Variants in TMEM114 observed in about 807,000 individuals in gnomAD.
The protein encoded by TMEM114 is transmembrane protein 114.
Under a neutral mutation model 6.2 loss-of-function variants are expected in TMEM114, and 6 were observed. The observed-to-expected ratio is 0.97, with a 90% confidence interval of 0.53 to 1.91. The LOEUF is 1.91. Ranked by LOEUF, TMEM114 falls within the 40% of genes most tolerant of loss-of-function variation. The pLI is 0.01. For missense variants in TMEM114, 218 were observed against 158.3 expected, an observed-to-expected ratio of 1.38 and a Z score of -2.02; for synonymous variants, 104 against 73.0, an observed-to-expected ratio of 1.42 and a Z score of -2.16.
downstream of TMEM114, among the ~76,000 whole-genome samples, chr16:8,568,545 A>G (rs896351333): frequency 6.6e-6 from 1 of 152,222 alleles, no homozygotes; most frequent in African/African-American, 2.4e-5. Flanking sequence ...GGTGTCAGCT[A>G]TGATGATGAC....
At chr16:8,575,549 A>G (rs567099229) in intron 2 of TMEM114, among the ~76,000 whole-genome samples, 1 of 152,328 alleles carries the variant, frequency 6.6e-6, no homozygotes, top group South Asian at 2.1e-4. Flanking sequence ...TGTTTCAGTA[A>G]ACAATGATGC....
intron 2 of TMEM114, among the ~76,000 whole-genome samples, chr16:8,543,468 A>G (rs529369281): frequency 3.3e-5 from 5 of 151,154 alleles, no homozygotes; most frequent in East Asian, 1.9e-4. Context: ...TGCACCTTGC[A>G]TCATGCAATG....
chr16:8,541,722 A>G (rs941657950), intron 2 of TMEM114, among the ~76,000 whole-genome samples: 1 of 152,242 alleles, frequency 6.6e-6, no homozygotes, highest in Admixed American at 6.5e-5. Flanking sequence ...ATTCTCCATC[A>G]ATAAATCATA....
At chr16:8,534,014 A>G (rs753436097), downstream of TMEM114, among the ~76,000 whole-genome samples, 23 of 152,176 alleles carry the variant, frequency 1.5e-4, no homozygotes, top group Non-Finnish European at 3.1e-4. Flanking sequence ...AAGCCTGAAA[A>G]TGGCTCTCGT....
At chr16:8,562,965 TGAGA>T (rs1163391475) in intron 2 of TMEM114, among the ~76,000 whole-genome samples, 4 of 84,898 alleles carry the variant, frequency 4.7e-5, no homozygotes, top group Admixed American at 1.2e-4. Context: ...AGTGAATGAG[TGAGA>T]GAGTGATGGA....
intron 2 of TMEM114, among the ~76,000 whole-genome samples, chr16:8,560,223 C>G (rs536677603): frequency 4.0e-5 from 6 of 151,752 alleles, no homozygotes; most frequent in South Asian, 2.1e-4. Context: ...GGCTCAAACT[C>G]CTGGGCTCAA....
At chr16:8,540,118 C>T (rs77971248) in intron 2 of TMEM114, among the ~76,000 whole-genome samples, 1,604 of 152,228 alleles carry the variant, frequency 0.011, 30 homozygotes, top group African/African-American at 0.036. Context: ...ACTGCTGTGC[C>T]GGGCCACAAA....
the TMEM114 span, among the ~76,000 whole-genome samples, chr16:8,527,173 C>T: frequency 4.6e-5 from 7 of 152,184 alleles, no homozygotes; most frequent in Non-Finnish European, 8.8e-5. Flanking sequence ...TGCCACTGCA[C>T]TCCATCCAGC....
chr16:8,548,694 G>GTATATATATATATATATATATATATA (rs141212101), intron 2 of TMEM114, among the ~76,000 whole-genome samples: 96 of 139,922 alleles, frequency 6.9e-4, no homozygotes, highest in African/African-American at 2.4e-3. Flanking sequence ...AAATTGCCAT[G>GTATATATATATATATATATATATATA]TATATATATA....
chr16:8,565,367 G>C (rs999178174), downstream of TMEM114, among the ~76,000 whole-genome samples: 2 of 152,196 alleles, frequency 1.3e-5, no homozygotes, highest in African/African-American at 2.4e-5. Context: ...AAATGAATGA[G>C]TGAATAAATG....
At chr16:8,551,813 A>G (rs1276689260) in intron 2 of TMEM114, among the ~76,000 whole-genome samples, 3 of 152,202 alleles carry the variant, frequency 2.0e-5, no homozygotes, top group Non-Finnish European at 4.4e-5. Context: ...ACCCATGGCC[A>G]TAACTGTGCA....
intron 2 of TMEM114, among the ~76,000 whole-genome samples, chr16:8,588,286 CAAAAA>C (rs1192746678): frequency 7.4e-6 from 1 of 134,430 alleles, no homozygotes. Context: ...GACCCTGTCT[CAAAAA>C]AAAAAAAAAA....
In TMEM114 at chr16:8,572,078, G is replaced by A. The variant is rs950471017; in HGVS notation, c.439+9C>T. The A allele has an allele frequency of 9.8e-6, 15 of 1,536,684 alleles. No homozygotes were observed. Among genetic ancestry groups the A allele is most frequent in the Non-Finnish European group, 1.3e-5 (15 of 1,139,594 alleles). On this transcript the variant is annotated intron_variant, in intron 3 of 3. Transcript: ENST00000620492. ...ACAAGCCAGAGCCCTAGGCAGGGTG[G>A]GCACCTACCTCCAAAGAGGAAGAGA...
chr16:8,545,948 C>G (rs1051225018), intron 2 of TMEM114, among the ~76,000 whole-genome samples: 5 of 152,056 alleles, frequency 3.3e-5, no homozygotes, highest in Non-Finnish European at 7.4e-5. Context: ...GACCCTATCT[C>G]TACAGAAAAT....
chr16:8,528,098 G>A, the TMEM114 span, among the ~76,000 whole-genome samples: 22 of 151,820 alleles, frequency 1.4e-4, no homozygotes, highest in East Asian at 1.9e-4. Flanking sequence ...ATGGGATTTC[G>A]CCATGCTGCC....
At chr16:8,555,996 A>G (rs1331684200) in intron 2 of TMEM114, among the ~76,000 whole-genome samples, 1 of 152,178 alleles carries the variant, frequency 6.6e-6, no homozygotes, top group Non-Finnish European at 1.5e-5. Context: ...GCATGAATTT[A>G]CTATCTACTC....
rs1902444557 is a variant in TMEM114, at chr16:8,590,390, G to T, written c.-552C>A. ...ATTTCCGCCCCAGCCCTTTTTCTTG[G>T]CCCCACACTGCCAGATCCCCACTCC... On this transcript the variant is annotated 5_prime_UTR_variant, in exon 1 of 4. Coordinates refer to ENST00000620492, the MANE Select transcript of TMEM114 (RefSeq NM_001146336.2). 1.3e-5 allele frequency among the ~76,000 whole-genome samples: 2 copies of T among 151,952 alleles called. No homozygotes were observed. The highest frequency in any genetic ancestry group is 2.9e-5 in the Non-Finnish European group (2 of 67,990).
intron 2 of TMEM114, among the ~76,000 whole-genome samples, chr16:8,562,542 G>T (rs1302872246): frequency 6.6e-6 from 1 of 150,826 alleles, no homozygotes; most frequent in Non-Finnish European, 1.5e-5. Flanking sequence ...GTGAGTGAGT[G>T]AATGAGTGAG....
At chr16:8,568,464 T>C (rs189638649), downstream of TMEM114, among the ~76,000 whole-genome samples, 86 of 151,464 alleles carry the variant, frequency 5.7e-4, no homozygotes, top group Middle Eastern at 3.4e-3. Flanking sequence ...GATGATGTCA[T>C]GATGTTTGTT....
Sources: allele counts gnomAD v4.1 joint callset (sites outside exome capture counted in the v4.1 genomes callset), GRCh38; gene constraint gnomAD v4.1.1; transcripts MANE v1.5; gene names NCBI Gene and HGNC (gene_info 2026-07-23, HGNC 2026-07-21).